CADM2: variants seen among roughly 807,000 people sequenced by gnomAD.
CADM2 encodes the protein cell adhesion molecule 2.
Under a neutral mutation model 49.8 loss-of-function variants are expected in CADM2, and 12 were observed. The observed-to-expected ratio is 0.24, with a 90% CI of 0.15 to 0.39. The LOEUF (loss-of-function observed/expected upper bound fraction) is 0.39, where lower values mean the gene tolerates loss of function less well. CADM2 is among the 10% of genes least tolerant of loss of function. The pLI is 1.00. For synonymous variants in CADM2, 214 were observed against 175.4 expected, an observed-to-expected ratio of 1.22 and a Z score of -1.74; for missense variants, 378 against 492.3, an observed-to-expected ratio of 0.77 and a Z score of 2.20.
intron 6 of CADM2, among the ~76,000 whole-genome samples, chr3:85,923,660 A>T (rs1000537667): frequency 2.6e-5 from 4 of 152,140 alleles, no homozygotes; most frequent in African/African-American, 9.7e-5. Flanking sequence ...CAATCCTATA[A>T]GCACATAAGG....
intron 1 of CADM2, among the ~76,000 whole-genome samples, chr3:85,182,150 C>G (rs2040952307): frequency 6.6e-6 from 1 of 151,790 alleles, no homozygotes; most frequent in Non-Finnish European, 1.5e-5. Flanking sequence ...TTCAAGTATC[C>G]TCCTTAAAAT....
chr3:85,531,546 G>C (rs976885792), intron 1 of CADM2, among the ~76,000 whole-genome samples: 3 of 152,094 alleles, frequency 2.0e-5, no homozygotes, highest in African/African-American at 7.2e-5. Context: ...ATTTTGAGTG[G>C]CTCTAACATT....
At chr3:85,976,732 G>A (rs1726827445) in intron 8 of CADM2, among the ~76,000 whole-genome samples, 1 of 151,446 alleles carries the variant, frequency 6.6e-6, no homozygotes. Context: ...ATTACTTTCA[G>A]TCAATTTGTT....
intron 1 of CADM2, among the ~76,000 whole-genome samples, chr3:85,588,421 A>C: frequency 6.6e-6 from 1 of 152,046 alleles, no homozygotes; most frequent in East Asian, 1.9e-4. Context: ...GTGTTGCAAA[A>C]GGGAGGAATG....
chr3:85,947,705 T>C (rs1559760162), intron 7 of CADM2, among the ~76,000 whole-genome samples: 1 of 151,548 alleles, frequency 6.6e-6, no homozygotes, highest in Non-Finnish European at 1.5e-5. Context: ...AGACCGAATA[T>C]ATTTGGTTTT....
chr3:85,611,052 T>C (rs1304560330), intron 1 of CADM2, among the ~76,000 whole-genome samples: 1 of 151,908 alleles, frequency 6.6e-6, no homozygotes, highest in Non-Finnish European at 1.5e-5. Flanking sequence ...AATTCATTTG[T>C]TGCCATATGA....
intron 1 of CADM2, among the ~76,000 whole-genome samples, chr3:85,375,629 C>G (rs2107335700): frequency 6.6e-6 from 1 of 152,180 alleles, no homozygotes; most frequent in Admixed American, 6.6e-5. Context: ...GAACAGAAAA[C>G]AAAACTTGAA....
intron 8 of CADM2, among the ~76,000 whole-genome samples, chr3:86,045,237 A>G (rs1024802300): frequency 6.6e-6 from 1 of 152,088 alleles, no homozygotes; most frequent in African/African-American, 2.4e-5. Flanking sequence ...GTAAGCAAAT[A>G]TATAGGTACA....
intron 1 of CADM2, among the ~76,000 whole-genome samples, chr3:85,528,129 CA>C (rs2061212983): frequency 6.6e-6 from 1 of 152,140 alleles, no homozygotes; most frequent in Non-Finnish European, 1.5e-5. Flanking sequence ...ACCAAGCTCT[CA>C]GGGATCTCTC....
chr3:84,981,819 A>G (rs954776950), intron 1 of CADM2, among the ~76,000 whole-genome samples: 3 of 152,210 alleles, frequency 2.0e-5, no homozygotes, highest in Non-Finnish European at 4.4e-5. Context: ...GAAATCAAAT[A>G]TCAACATCAT....
At chr3:85,625,898 A>T (rs560645448) in intron 1 of CADM2, among the ~76,000 whole-genome samples, 1 of 152,002 alleles carries the variant, frequency 6.6e-6, no homozygotes, top group Admixed American at 6.6e-5. Flanking sequence ...AAACTGAGCG[A>T]TATCTTGACC....
chr3:85,746,748 G>A (rs796912936), intron 2 of CADM2, among the ~76,000 whole-genome samples: 3 of 152,090 alleles, frequency 2.0e-5, no homozygotes, highest in Admixed American at 6.5e-5. Flanking sequence ...TTGTCTTCCC[G>A]TGACTCAGGG....
intron 1 of CADM2, among the ~76,000 whole-genome samples, chr3:85,609,872 A>C (rs2063630884): frequency 6.6e-6 from 1 of 152,038 alleles, no homozygotes; most frequent in Admixed American, 6.6e-5. Flanking sequence ...AAGGAAAATC[A>C]AAAGAATAGG....
chr3:85,997,982 A>G (rs1035508204), intron 8 of CADM2, among the ~76,000 whole-genome samples: 12 of 152,162 alleles, frequency 7.9e-5, no homozygotes, highest in Non-Finnish European at 5.9e-5. Flanking sequence ...TTTGCATTGA[A>G]CATGTAGTAT....
intron 1 of CADM2, among the ~76,000 whole-genome samples, chr3:85,265,035 G>A (rs1316004285): frequency 3.9e-5 from 6 of 151,948 alleles, no homozygotes; most frequent in Non-Finnish European, 7.4e-5. Context: ...AATAACATAT[G>A]TAAAGCTCTT....
chr3:85,679,153 A>G (rs1212246842), intron 1 of CADM2, among the ~76,000 whole-genome samples: 1 of 152,200 alleles, frequency 6.6e-6, no homozygotes, highest in Non-Finnish European at 1.5e-5. Flanking sequence ...AAGACAAAAT[A>G]TAGGGGACCA....
intron 1 of CADM2, among the ~76,000 whole-genome samples, chr3:85,620,105 A>G (rs1345504816): frequency 6.6e-6 from 1 of 152,186 alleles, no homozygotes; most frequent in Non-Finnish European, 1.5e-5. Flanking sequence ...CAATAGCCCA[A>G]TATTCTCTCT....
At chr3:85,801,964 G>C in intron 2 of CADM2, 83 bp from the exon 3 acceptor site, 2 of 1,100,894 alleles carry the variant, frequency 1.8e-6, no homozygotes, top group Non-Finnish European at 2.5e-6. Flanking sequence ...TTTTGCATGA[G>C]AAGTTAAGGC....
At chr3:85,270,865 T>G (rs2106843215) in intron 1 of CADM2, among the ~76,000 whole-genome samples, 1 of 151,546 alleles carries the variant, frequency 6.6e-6, no homozygotes, top group East Asian at 1.9e-4. Flanking sequence ...AAATATAAAT[T>G]TTATGAAAAT....
Sources: gnomAD v4.1 joint callset for allele counts (sites outside exome capture counted in the v4.1 genomes callset) on GRCh38, gnomAD v4.1.1 for gene constraint, MANE v1.5 for transcripts, NCBI Gene and HGNC (gene_info 2026-07-23, HGNC 2026-07-21) for gene names.